ARAP2: variants seen among roughly 807,000 people sequenced by gnomAD.
ARAP2 encodes arf-GAP with Rho-GAP domain, ANK repeat and PH domain-containing protein 2.
ARAP2 carries 148 observed loss-of-function variants against 194.5 expected under a neutral mutation model. That is an observed-to-expected ratio of 0.76 (90% CI 0.67 to 0.87). ARAP2 has a LOEUF of 0.87. ARAP2 is among the 40% of genes least tolerant of loss of function. The pLI is 0.00. For synonymous variants in ARAP2, 695 were observed against 683.5 expected (o/e 1.02, Z -0.26); for missense variants, 2,128 against 1,989.7 (o/e 1.07, Z -1.32).
In ARAP2 at chr4:36,160,058, T is replaced by C; in HGVS notation, c.2442+401A>G. The C allele has an allele frequency of 6.2e-6, 6 of 971,648 alleles. 1 individual carries two copies. The highest frequency in any genetic ancestry group is 1.1e-3 in the Middle Eastern group (2 of 1,898). 60.2% of individuals were successfully genotyped at this position (971,648 alleles called of 1,614,324 possible). On this transcript the variant is annotated intron_variant, in intron 13 of 32. Coordinates refer to ENST00000303965, the MANE Select transcript of ARAP2 (RefSeq NM_015230.4). ...TAAAAAATATTATTGACTTATGTTATATATCATCTTTGTACAAACAATAGG... is the reference window on the plus strand; with the variant it reads ...TAAAAAATATTATTGACTTATGTTACATATCATCTTTGTACAAACAATAGG...
chr4:36,103,231 A>G (rs1191083901), intron 27 of ARAP2, among the ~76,000 whole-genome samples: 1 of 151,774 alleles, frequency 6.6e-6, no homozygotes, highest in Non-Finnish European at 1.5e-5. Flanking sequence ...AAATTCAAAG[A>G]AATATGCATT....
At chr4:36,072,656 C>T (rs1187230419) in intron 32 of ARAP2, among the ~76,000 whole-genome samples, 1 of 120,208 alleles carries the variant, frequency 8.3e-6, no homozygotes, top group African/African-American at 3.1e-5. Context: ...GGTTTATTAC[C>T]TAAAAAAAAA....
intron 8 of ARAP2, among the ~76,000 whole-genome samples, chr4:36,180,179 T>A (rs1423681965): frequency 6.6e-6 from 1 of 151,916 alleles, no homozygotes; most frequent in Non-Finnish European, 1.5e-5. Flanking sequence ...GGCTGAGGCA[T>A]GAGAATAGCT....
intron 11 of ARAP2, among the ~76,000 whole-genome samples, chr4:36,164,429 G>A (rs546358791): frequency 5.9e-5 from 9 of 152,148 alleles, no homozygotes; most frequent in Non-Finnish European, 1.3e-4. Flanking sequence ...TCATAGTACT[G>A]GTTTATATTC....
intron 5 of ARAP2, among the ~76,000 whole-genome samples, chr4:36,032,156 A>C (rs1005365878): frequency 3.3e-5 from 5 of 152,222 alleles, no homozygotes; most frequent in African/African-American, 1.2e-4. Context: ...GTGGAAGAAT[A>C]CTCACTAATA....
intron 24 of ARAP2, 109 bp from the exon 25 acceptor site, chr4:36,117,244 A>T (rs1485228738): frequency 4.1e-6 from 3 of 726,810 alleles, no homozygotes; most frequent in Middle Eastern, 3.0e-4. Flanking sequence ...ATATTTTATA[A>T]CAATGAAACA....
At chr4:36,081,421 G>C (rs1729525821) in intron 30 of ARAP2, among the ~76,000 whole-genome samples, 1 of 152,152 alleles carries the variant, frequency 6.6e-6, no homozygotes, top group Admixed American at 6.6e-5. Flanking sequence ...ATCTGAAACA[G>C]CAAGGAATGC....
intron 6 of ARAP2, among the ~76,000 whole-genome samples, chr4:36,018,577 CTGAGG>C (rs1716315026): frequency 6.6e-6 from 1 of 152,078 alleles, no homozygotes; most frequent in Admixed American, 6.6e-5. Context: ...ATGATCTGAT[CTGAGG>C]TATTTAGCAA....
intron 28 of ARAP2, among the ~76,000 whole-genome samples, chr4:36,084,810 C>T (rs1730438453): frequency 6.6e-6 from 1 of 151,804 alleles, no homozygotes; most frequent in African/African-American, 2.4e-5. Context: ...TGAATTTATT[C>T]CTAATCACTA....
chr4:36,175,311 C>A (rs1444714050), intron 9 of ARAP2, among the ~76,000 whole-genome samples: 1 of 152,088 alleles, frequency 6.6e-6, no homozygotes, highest in Non-Finnish European at 1.5e-5. Flanking sequence ...AGGTTGATGC[C>A]CACACTGGCA....
At chr4:36,195,489 C>T (rs186542532) in intron 6 of ARAP2, among the ~76,000 whole-genome samples, 251 of 152,304 alleles carry the variant, frequency 1.6e-3, no homozygotes, top group African/African-American at 5.8e-3. Flanking sequence ...AAATACATAC[C>T]TTCTAACACA....
intron 31 of ARAP2, among the ~76,000 whole-genome samples, chr4:36,075,486 C>A (rs1034226012): frequency 2.4e-4 from 37 of 152,208 alleles, no homozygotes; most frequent in African/African-American, 8.7e-4. Context: ...ATCTCCATTT[C>A]TGCCTTCCAT....
Position 36,212,452 on chromosome 4 carries a change from T to C in ARAP2, c.1077A>G (p.Gly359=). ...TAGCTGCTTCCCCTTTGAGTGCTTCTCCCTGGGTCAAAAATTCATTCTTTA... is the reference window on the plus strand; with the variant it reads ...TAGCTGCTTCCCCTTTGAGTGCTTCCCCCTGGGTCAAAAATTCATTCTTTA... The part of the protein sequence containing the change: ...RSIKNEFLTQ[G]EALKGEAATA... Residue 359 remains glycine, a synonymous_variant, in exon 5 of 33, where the codon GGA becomes GGG. Transcript: ENST00000303965. The C allele has an allele frequency of 6.2e-7, 1 of 1,612,436 alleles. No homozygotes were observed.
intron 2 of ARAP2, among the ~76,000 whole-genome samples, chr4:36,227,232 C>G (rs1256553860): frequency 6.6e-6 from 1 of 152,058 alleles, no homozygotes; most frequent in African/African-American, 2.4e-5. Flanking sequence ...ATTACCTACT[C>G]CATGTTCACA....
At chr4:36,101,288 A>T (rs1002663307) in intron 27 of ARAP2, among the ~76,000 whole-genome samples, 1 of 152,006 alleles carries the variant, frequency 6.6e-6, no homozygotes, top group Admixed American at 6.6e-5. Context: ...AGCAGTGGTT[A>T]ACAGAACAAG....
At chr4:36,122,830 T>C (rs191885900) in intron 22 of ARAP2, among the ~76,000 whole-genome samples, 8 of 151,850 alleles carry the variant, frequency 5.3e-5, no homozygotes, top group African/African-American at 1.4e-4. Flanking sequence ...GCTAAAAATG[T>C]AACAGACGAG....
At chr4:36,017,064 G>C (rs1577544313) in intron 6 of ARAP2, among the ~76,000 whole-genome samples, 1 of 151,946 alleles carries the variant, frequency 6.6e-6, no homozygotes, top group Non-Finnish European at 1.5e-5. Flanking sequence ...AATTGCACAA[G>C]CCTGAAAATC....
intron 19 of ARAP2, among the ~76,000 whole-genome samples, chr4:36,141,994 G>T (rs1728456747): frequency 6.6e-6 from 1 of 151,680 alleles, no homozygotes; most frequent in Non-Finnish European, 1.5e-5. Flanking sequence ...GCATGGTACT[G>T]AAACAGCTTT....
At chr4:36,143,551 G>A (rs1728872690) in intron 19 of ARAP2, among the ~76,000 whole-genome samples, 2 of 151,840 alleles carry the variant, frequency 1.3e-5, no homozygotes, top group South Asian at 4.1e-4. Flanking sequence ...AAAGAAGGCT[G>A]TTTAAGTACT....
Sources: gnomAD v4.1 joint callset for allele counts (sites outside exome capture counted in the v4.1 genomes callset) on GRCh38, gnomAD v4.1.1 for gene constraint, MANE v1.5 for transcripts, NCBI Gene and HGNC (gene_info 2026-07-23, HGNC 2026-07-21) for gene names.